CHIC1: variants seen among roughly 807,000 people sequenced by gnomAD.
The protein encoded by CHIC1 is cysteine-rich hydrophobic domain-containing protein 1.
In CHIC1, 7 loss-of-function variants were observed where a neutral mutation model predicts 18.5. That is an observed-to-expected ratio of 0.38 (90% CI 0.22 to 0.71). The LOEUF (loss-of-function observed/expected upper bound fraction) is 0.71, where lower values mean the gene tolerates loss of function less well. CHIC1 is among the 30% of genes least tolerant of loss of function. CHIC1 has a pLI of 0.49. For synonymous variants in CHIC1, 77 were observed against 73.5 expected, an observed-to-expected ratio of 1.05 and a Z score of -0.25; for missense variants, 159 against 176.9, an observed-to-expected ratio of 0.90 and a Z score of 0.57.
rs758504220 is a variant in CHIC1 at position 73,668,551 on chromosome X, ATTG to A, written c.508-10769_508-10767del. ...TTGGATGGGGTTTTTGTGTTTTTTT[ATTG>A]TTGTTTTCTCTCTGTTTTTCTTCTG... On this transcript the variant is annotated intron_variant, in intron 3 of 5. Coordinates refer to ENST00000373502, the MANE Select transcript of CHIC1 (RefSeq NM_001039840.4). Among the ~76,000 whole-genome samples the A allele has an allele frequency of 3.2e-3, 356 of 109,814 alleles. 2 individuals are homozygous for A. Among genetic ancestry groups the A allele is most frequent in the African/African-American group, 0.011 (335 of 30,142 alleles).
In CHIC1 at chrX:73,684,183, A is replaced by G. The variant is rs1204773237; in HGVS notation, c.*3178A>G. ...TAGTGACAAAATATTACAGAACCGG[A>G]CTATCAGTCACTTAAAAAAACAGTA... On this transcript the variant is annotated 3_prime_UTR_variant, in exon 6 of 6. Transcript: ENST00000373502. 2 of 111,014 alleles carry G rather than the reference A, an allele frequency of 1.8e-5. No homozygotes were observed. The highest frequency in any genetic ancestry group is 3.3e-5 in the African/African-American group (1 of 30,630). The allele number at this position is 111,014 out of a possible 1,213,427, so 9.1% of individuals were successfully genotyped here. A position where few individuals can be genotyped will look rare whatever the true frequency, so the allele number is the denominator to read the frequency against.
At position 73,571,705 on chromosome X, in the gene CHIC1, A is replaced by AT. The variant is rs1049635303; in HGVS notation, c.297-5695dup. ...CACACCTGAACAGAATTAATGAAGGATTTTTTTAAAATGTAGTTAAAATCT... is the reference window on the plus strand; with the variant it reads ...CACACCTGAACAGAATTAATGAAGGATTTTTTTTAAAATGTAGTTAAAATCT... On this transcript the variant is annotated intron_variant, in intron 1 of 5. Coordinates refer to ENST00000373502, the MANE Select transcript of CHIC1 (RefSeq NM_001039840.4). Among the ~76,000 whole-genome samples, 9 of 111,441 alleles carry AT rather than the reference A, an allele frequency of 8.1e-5. No individual in the cohort carries two copies. In the East Asian group the frequency reaches 8.5e-4, roughly 10 times the overall value.
chrX:73,572,825 T>A (rs932023100), intron 1 of CHIC1, among the ~76,000 whole-genome samples: 1 of 111,538 alleles, frequency 9.0e-6, no homozygotes, highest in Non-Finnish European at 1.9e-5. Context: ...TTGAATTATT[T>A]AAATTCCTAA....
At chrX:73,591,647 C>T (rs1447557850) in intron 3 of CHIC1, among the ~76,000 whole-genome samples, 1 of 111,124 alleles carries the variant, frequency 9.0e-6, no homozygotes, top group Admixed American at 9.6e-5. Context: ...CATTGCCAAA[C>T]CCAAGGTCAC....
At chrX:73,572,013 A>G (rs746958659) in intron 1 of CHIC1, among the ~76,000 whole-genome samples, 3 of 110,447 alleles carry the variant, frequency 2.7e-5, no homozygotes, top group East Asian at 5.7e-4. Context: ...TTACAAAGGT[A>G]TATTACATGA....
chrX:73,625,356 A>G lies in CHIC1; in HGVS notation c.507+40784A>G, dbSNP rs1399988849. On this transcript the variant is annotated intron_variant, in intron 3 of 5. Transcript: ENST00000373502. ...ATGTGGTTCTCTGGGCAAGATGGTC[A>G]CCCCAAGTAACAGAAAAAATAATAA... 2.7e-5 allele frequency among the ~76,000 whole-genome samples: 3 copies of G among 111,342 alleles called. No individual in the cohort carries two copies. The East Asian group carries it at 8.5e-4, about 31-fold the overall frequency.
At chrX:73,579,527 C>T (rs749389923) in intron 2 of CHIC1, among the ~76,000 whole-genome samples, 2 of 110,406 alleles carry the variant, frequency 1.8e-5, no homozygotes, top group Non-Finnish European at 3.8e-5. Flanking sequence ...CTGGCCTCAC[C>T]ACTAATTTGT....
intron 1 of CHIC1, among the ~76,000 whole-genome samples, chrX:73,569,253 G>A (rs2057458794): frequency 9.0e-6 from 1 of 110,904 alleles, no homozygotes; most frequent in Non-Finnish European, 1.9e-5. Flanking sequence ...TTTAATTTGT[G>A]CAAGATTTTG....
At chrX:73,599,801 G>C (rs749001051) in intron 3 of CHIC1, among the ~76,000 whole-genome samples, 3 of 107,661 alleles carry the variant, frequency 2.8e-5, no homozygotes. Flanking sequence ...GCTTAGGAGT[G>C]ACTTGGCAAT....
At chrX:73,568,230 G>A (rs775776197) in intron 1 of CHIC1, among the ~76,000 whole-genome samples, 1 of 111,516 alleles carries the variant, frequency 9.0e-6, no homozygotes, top group Non-Finnish European at 1.9e-5. Context: ...TGAAAGCTTT[G>A]TTAAGCTATC....
At chrX:73,664,444 T>A (rs2057994948) in intron 3 of CHIC1, among the ~76,000 whole-genome samples, 1 of 110,693 alleles carries the variant, frequency 9.0e-6, no homozygotes, top group South Asian at 3.9e-4. Flanking sequence ...CCAGTTGACA[T>A]GCTCGTATAA....
At chrX:73,627,856 TAGTC>T (rs946321810) in intron 3 of CHIC1, among the ~76,000 whole-genome samples, 1 of 111,590 alleles carries the variant, frequency 9.0e-6, no homozygotes, top group Non-Finnish European at 1.9e-5. Context: ...CTGCTTTTCT[TAGTC>T]AGGAGTTTTG....
chrX:73,645,345 A>G (rs925115144), intron 3 of CHIC1, among the ~76,000 whole-genome samples: 17 of 111,974 alleles, frequency 1.5e-4, no homozygotes, highest in African/African-American at 5.5e-4. Context: ...TATCTTGGCT[A>G]TTGTGAATAA....
intron 3 of CHIC1, among the ~76,000 whole-genome samples, chrX:73,585,003 A>G (rs777256648): frequency 1.3e-4 from 14 of 111,779 alleles, no homozygotes; most frequent in African/African-American, 4.5e-4. Context: ...ACATGCTAGC[A>G]TAGCATTACT....
At chrX:73,644,209 A>T (rs2057874865) in intron 3 of CHIC1, among the ~76,000 whole-genome samples, 1 of 111,911 alleles carries the variant, frequency 8.9e-6, no homozygotes, top group African/African-American at 3.3e-5. Flanking sequence ...GATATTGGTG[A>T]TCTGCAAATG....
At chrX:73,637,523 C>G (rs2147597687) in intron 3 of CHIC1, among the ~76,000 whole-genome samples, 1 of 110,550 alleles carries the variant, frequency 9.0e-6, no homozygotes, top group African/African-American at 3.3e-5. Context: ...AATGGTGTCT[C>G]ACAAGTCCCA....
chrX:73,651,969 C>T (rs191230547), intron 3 of CHIC1, among the ~76,000 whole-genome samples: 1 of 112,043 alleles, frequency 8.9e-6, no homozygotes, highest in East Asian at 2.8e-4. Flanking sequence ...GGAGGCATCA[C>T]ACTACCTGAC....
At chrX:73,631,517 C>CAGCT (rs1327649926) in intron 3 of CHIC1, among the ~76,000 whole-genome samples, 1 of 110,029 alleles carries the variant, frequency 9.1e-6, no homozygotes, top group African/African-American at 3.3e-5. Context: ...CCTGTAATTC[C>CAGCT]AGCTACTCAG....
chrX:73,662,005 CTG>C (rs928716683), intron 3 of CHIC1, among the ~76,000 whole-genome samples: 2 of 108,691 alleles, frequency 1.8e-5, no homozygotes, highest in African/African-American at 6.7e-5. Flanking sequence ...AACCTGCACA[CTG>C]TGCACATGTA....
Sources: gnomAD v4.1 joint callset for allele counts (sites outside exome capture counted in the v4.1 genomes callset) on GRCh38, gnomAD v4.1.1 for gene constraint, MANE v1.5 for transcripts, NCBI Gene and HGNC (gene_info 2026-07-23, HGNC 2026-07-21) for gene names.